Variants in COL5A1 observed in about 807,000 individuals in gnomAD.
COL5A1 encodes the protein collagen alpha-1(V) chain.
Under a neutral mutation model 263.7 loss-of-function variants are expected in COL5A1, and 16 were observed. The observed-to-expected ratio is 0.06, with a 90% CI of 0.04 to 0.09. The LOEUF (loss-of-function observed/expected upper bound fraction) is 0.09, where lower values mean the gene tolerates loss of function less well. COL5A1 is among the 10% of genes least tolerant of loss of function. COL5A1 has a pLI of 1.00. For missense variants in COL5A1, 2,036 were observed against 2,540.5 expected, an observed-to-expected ratio of 0.80 and a Z score of 4.27; for synonymous variants, 1,012 against 1,004.5, an observed-to-expected ratio of 1.01 and a Z score of -0.14.
intron 57 of COL5A1, among the ~76,000 whole-genome samples, chr9:134,819,741 C>T (rs189539264): frequency 6.6e-6 from 1 of 152,354 alleles, no homozygotes; most frequent in East Asian, 1.9e-4. Flanking sequence ...CTTTCCGTGT[C>T]AGTCCACAAA....
At position 134,752,073 on chromosome 9, in the gene COL5A1, C is replaced by A. The variant is rs1231715969; in HGVS notation, c.1663-516C>A. 2.0e-5 allele frequency among the ~76,000 whole-genome samples: 3 copies of A among 152,320 alleles called. No individual in the cohort carries two copies. The East Asian group carries it at 5.8e-4, about 29-fold the overall frequency. On this transcript the variant is annotated intron_variant, in intron 13 of 65. Transcript: ENST00000371817. ...CTCTGTGGGAAAGCGGTGGGCCCTG[C>A]ACTGGTGCAGGTGGGGGCCACATGC...
intron 1 of COL5A1, among the ~76,000 whole-genome samples, chr9:134,679,208 C>T (rs77619201): frequency 3.3e-5 from 5 of 152,130 alleles, no homozygotes; most frequent in Non-Finnish European, 7.4e-5. Context: ...AACCTACCAC[C>T]CCGCAGTCCC....
At chr9:134,805,876 G>A (rs564110007) in intron 41 of COL5A1, among the ~76,000 whole-genome samples, 86 of 150,594 alleles carry the variant, frequency 5.7e-4, no homozygotes, top group Middle Eastern at 3.4e-3. Context: ...CTGGAGGAGA[G>A]AGGGTGCCCC....
chr9:134,752,278 G>A (rs954807318), intron 13 of COL5A1, among the ~76,000 whole-genome samples: 1 of 150,466 alleles, frequency 6.6e-6, no homozygotes, highest in African/African-American at 2.5e-5. Flanking sequence ...GATGGGCTGG[G>A]AGCAGGCCCT....
At chr9:134,795,979 G>A (rs1288730984) in intron 34 of COL5A1, among the ~76,000 whole-genome samples, 5 of 152,244 alleles carry the variant, frequency 3.3e-5, no homozygotes, top group Admixed American at 6.5e-5. Flanking sequence ...CGTGTGCCCC[G>A]TGACCTGACC....
intron 1 of COL5A1, among the ~76,000 whole-genome samples, chr9:134,656,747 C>T (rs1831986970): frequency 6.6e-6 from 1 of 151,384 alleles, no homozygotes; most frequent in Non-Finnish European, 1.5e-5. Context: ...GGTTGGGAGG[C>T]AGTAATTGTA....
Position 134,677,562 on chromosome 9 carries a change from G to A in COL5A1, c.110-13350G>A, listed in dbSNP as rs1416435177. On this transcript the variant is annotated intron_variant, in intron 1 of 65. Coordinates refer to ENST00000371817, the MANE Select transcript of COL5A1 (RefSeq NM_000093.5). This position sits in a 1 kb window ranked among gnomAD's most constrained non-coding sequence, Gnocchi z 4.4. Reference sequence around the variant, plus strand: ...TGATAGGAGGGTGAGGTTTATCAGCGGGATCTTCGGGGTGATGACATTCCT... The same window carrying A: ...TGATAGGAGGGTGAGGTTTATCAGCAGGATCTTCGGGGTGATGACATTCCT... 2.6e-5 allele frequency among the ~76,000 whole-genome samples: 4 copies of A among 152,160 alleles called. No individual in the cohort carries two copies. Among genetic ancestry groups the A allele is most frequent in the Non-Finnish European group, 5.9e-5 (4 of 68,030 alleles).
At position 134,811,474 on chromosome 9, in the gene COL5A1, C is replaced by A. The variant is rs1334252698; in HGVS notation, c.3583-18C>A. On this transcript the variant is annotated intron_variant, in intron 45 of 65. Transcript: ENST00000371817. ...GCATTGCCAGCATCCTCACCCATGGCCGGTTATTTCCCTGCAGGGAGCTGA... is the reference window on the plus strand; with the variant it reads ...GCATTGCCAGCATCCTCACCCATGGACGGTTATTTCCCTGCAGGGAGCTGA... 1 of 1,613,692 alleles carries A rather than the reference C, an allele frequency of 6.2e-7. No homozygotes were observed. Among genetic ancestry groups the A allele is most frequent in the East Asian group, 2.2e-5 (1 of 44,850 alleles).
chr9:134,708,829 T>A (rs760241793), intron 4 of COL5A1: 14 of 456,656 alleles, frequency 3.1e-5, no homozygotes, highest in South Asian at 2.2e-4. Flanking sequence ...AAGATCGAGG[T>A]GTGGGCGGGG....
chr9:134,660,759 A>G (rs1214938718), intron 1 of COL5A1, among the ~76,000 whole-genome samples: 1 of 152,132 alleles, frequency 6.6e-6, no homozygotes, highest in Admixed American at 6.6e-5. Context: ...ATGTCTCTCT[A>G]CCTCATAGAT....
Position 134,682,283 on chromosome 9 carries a change from C to T in COL5A1, c.110-8629C>T, listed in dbSNP as rs557582290. Among the ~76,000 whole-genome samples the T allele has an allele frequency of 6.6e-6, 1 of 152,324 alleles. No homozygotes were observed. The highest frequency in any genetic ancestry group is 6.5e-5 in the Admixed American group (1 of 15,308). On this transcript the variant is annotated intron_variant, in intron 1 of 65. Coordinates refer to ENST00000371817, the MANE Select transcript of COL5A1 (RefSeq NM_000093.5). This position sits in a 1 kb window ranked among gnomAD's most constrained non-coding sequence, Gnocchi z 5.1. ...GCCTAGTGCCTCGCCTTCCCCCAGC[C>T]ATGCTGCCTGGAGGCCGGGTCCTGA...
chr9:134,834,540 C>T (rs571043484), intron 64 of COL5A1, among the ~76,000 whole-genome samples: 5 of 152,246 alleles, frequency 3.3e-5, no homozygotes, highest in East Asian at 1.9e-4. Context: ...GCGGGTACCA[C>T]GGCCAGTAAC....
chr9:134,788,712 T>C (rs1021224436), intron 31 of COL5A1, among the ~76,000 whole-genome samples: 3 of 141,574 alleles, frequency 2.1e-5, no homozygotes, highest in Admixed American at 6.9e-5. Flanking sequence ...TAAACAGGTG[T>C]ATGAATGGGT....
chr9:134,692,761 G>A (rs930981672), intron 2 of COL5A1, among the ~76,000 whole-genome samples: 3 of 152,102 alleles, frequency 2.0e-5, no homozygotes, highest in Admixed American at 6.6e-5. Context: ...TCAGGAATAC[G>A]GGCTAATTAT....
chr9:134,653,018 G>C (rs930632533), intron 1 of COL5A1, among the ~76,000 whole-genome samples: 1 of 152,160 alleles, frequency 6.6e-6, no homozygotes, highest in Non-Finnish European at 1.5e-5. Flanking sequence ...CAGCATTAAT[G>C]GTGGTCGTGG....
chr9:134,815,823 G>C, intron 51 of COL5A1, 112 bp from the exon 52 acceptor site: 2 of 1,373,420 alleles, frequency 1.5e-6, no homozygotes, highest in Middle Eastern at 1.9e-4. Flanking sequence ...CTCTGTGCTG[G>C]CACCAGAATG....
Position 134,730,494 on chromosome 9 carries a change from A to T in COL5A1, c.1164+19A>T, listed in dbSNP as rs1207484470. On this transcript the variant is annotated intron_variant, in intron 7 of 65. Coordinates refer to ENST00000371817, the MANE Select transcript of COL5A1 (RefSeq NM_000093.5). Reference sequence around the variant, plus strand: ...CTCCAATGTAATTTCTTTCCTTCCCATTGGTTTGGTCTGGGGCAGTGGGCC... The same window carrying T: ...CTCCAATGTAATTTCTTTCCTTCCCTTTGGTTTGGTCTGGGGCAGTGGGCC... 3 of 1,613,234 alleles carry T rather than the reference A, an allele frequency of 1.9e-6. No individual in the cohort carries two copies. Among genetic ancestry groups the T allele is most frequent in the Non-Finnish European group, 2.5e-6 (3 of 1,179,916 alleles).
chr9:134,825,738 C>A, intron 62 of COL5A1, 54 bp from the exon 63 acceptor site: 1 of 1,214,362 alleles, frequency 8.2e-7, no homozygotes, highest in Non-Finnish European at 1.2e-6. Flanking sequence ...CGGAACCATC[C>A]AGGGAGCAAT....
chr9:134,812,929 G>T (rs776797517), intron 48 of COL5A1, among the ~76,000 whole-genome samples: 6 of 152,038 alleles, frequency 3.9e-5, no homozygotes, highest in Non-Finnish European at 8.8e-5. Context: ...ATTTTGAAAT[G>T]TAGGCAGATG....
Sources: allele counts gnomAD v4.1 joint callset (sites outside exome capture counted in the v4.1 genomes callset), GRCh38; gene constraint gnomAD v4.1.1; non-coding constraint Gnocchi (gnomAD v3.1); transcripts MANE v1.5; gene names NCBI Gene and HGNC (gene_info 2026-07-23, HGNC 2026-07-21).